The following PTPRE variants were observed in gnomAD, a reference collection of about 807,000 sequenced individuals.
PTPRE encodes protein tyrosine phosphatase receptor type E, also known as receptor-type tyrosine-protein phosphatase epsilon.
In PTPRE, 51 loss-of-function variants were observed where a neutral mutation model predicts 102.0. The ratio of observed to expected loss-of-function variants is 0.50; its 90% CI spans 0.40 to 0.63. The LOEUF is 0.63. PTPRE is among the 30% of genes least tolerant of loss of function. The pLI is 0.00. For synonymous variants in PTPRE, 345 were observed against 348.2 expected (o/e 0.99, Z 0.10); for missense variants, 752 against 915.1 (o/e 0.82, Z 2.30).
intron 2 of PTPRE, among the ~76,000 whole-genome samples, chr10:128,020,022 C>CTGTG (rs34036600): frequency 0.17 from 26,253 of 150,662 alleles, 2,408 homozygotes; most frequent in East Asian, 0.25. Flanking sequence ...AGGGTGGAGG[C>CTGTG]TGTGTGTGTG....
chr10:128,020,852 G>A (rs1385382767), intron 2 of PTPRE, among the ~76,000 whole-genome samples: 1 of 152,088 alleles, frequency 6.6e-6, no homozygotes, highest in Non-Finnish European at 1.5e-5. Context: ...ATTTGATAGG[G>A]GTGGTTCAGC....
chr10:128,073,087 C>T (rs777661530), intron 16 of PTPRE, among the ~76,000 whole-genome samples: 8 of 152,176 alleles, frequency 5.3e-5, no homozygotes, highest in Non-Finnish European at 7.3e-5. Context: ...AGGCAACTAC[C>T]AGTTCATAAT....
At position 128,003,579 on chromosome 10, in the gene PTPRE, G is replaced by A. The variant is rs116106819; in HGVS notation, c.-8+21283G>A. On this transcript the variant is annotated intron_variant, in intron 2 of 20. Coordinates refer to ENST00000254667, the MANE Select transcript of PTPRE (RefSeq NM_006504.6). ...TTTAAGTGTGAAATAATCCTGAATAGCTAGAAAATTCAGAGGACATTTTGC... is the reference window on the plus strand; with the variant it reads ...TTTAAGTGTGAAATAATCCTGAATAACTAGAAAATTCAGAGGACATTTTGC... Among the ~76,000 whole-genome samples the A allele has an allele frequency of 1.4e-3, 212 of 152,248 alleles. 1 individual carries two copies. The highest frequency in any genetic ancestry group is 5.1e-3 in the African/African-American group (210 of 41,542).
chr10:127,994,925 C>T (rs777119744), intron 2 of PTPRE, among the ~76,000 whole-genome samples: 3 of 152,196 alleles, frequency 2.0e-5, no homozygotes, highest in Non-Finnish European at 2.9e-5. Flanking sequence ...AAGGGATGTA[C>T]CCACCAATCC....
At chr10:128,079,141 G>C (rs1332480035) in intron 19 of PTPRE, among the ~76,000 whole-genome samples, 1 of 152,140 alleles carries the variant, frequency 6.6e-6, no homozygotes, top group Non-Finnish European at 1.5e-5. Context: ...GCACAGTAAG[G>C]AGAGGGTATG....
In PTPRE at chr10:128,020,045, T is replaced by TGTGC. The variant is rs1554923820; in HGVS notation, c.-7-20829_-7-20828insTGCG. ...GGCTGTGTGTGTGTGTGTGTGTGTG[T>TGTGC]GCACGCGCGCACGTGTGTGTGTGTG... On this transcript the variant is annotated intron_variant, in intron 2 of 20. Coordinates refer to ENST00000254667, the MANE Select transcript of PTPRE (RefSeq NM_006504.6). Among the ~76,000 whole-genome samples the TGTGC allele has an allele frequency of 4.7e-4, 55 of 116,322 alleles. 1 individual carries two copies. The Middle Eastern group carries it at 0.034, about 71-fold the overall frequency. The allele number at this position is 116,322 out of a possible 152,430, so 76.3% of individuals were successfully genotyped here.
At chr10:127,908,966 G>A (rs759322277) in intron 1 of PTPRE, among the ~76,000 whole-genome samples, 2 of 152,248 alleles carry the variant, frequency 1.3e-5, no homozygotes, top group Admixed American at 6.5e-5. Flanking sequence ...GAGGGAAGTC[G>A]ATGAGGGTGT....
chr10:127,919,194 C>T (rs1846420474), intron 1 of PTPRE, among the ~76,000 whole-genome samples: 1 of 152,136 alleles, frequency 6.6e-6, no homozygotes, highest in South Asian at 2.1e-4. Flanking sequence ...GCATTGTCTT[C>T]AAATAAAAAT....
chr10:128,019,633 C>CCATCCATCCATCCATCCATT (rs577601998), intron 2 of PTPRE, among the ~76,000 whole-genome samples: 8,819 of 147,236 alleles, frequency 0.06, 378 homozygotes, highest in Middle Eastern at 0.12. Flanking sequence ...CTATGTCAGC[C>CCATCCATCCATCCATCCATT]CATTCATTCA....
intron 2 of PTPRE, among the ~76,000 whole-genome samples, chr10:128,002,438 C>T (rs1447399184): frequency 6.6e-6 from 1 of 152,070 alleles, no homozygotes; most frequent in Non-Finnish European, 1.5e-5. Context: ...CACCCTCTAT[C>T]TAATTCCAGG....
At chr10:128,062,997 G>C (rs1379796496) in intron 9 of PTPRE, 86 bp from the exon 10 acceptor site, 1 of 1,578,186 alleles carries the variant, frequency 6.3e-7, no homozygotes, top group East Asian at 2.3e-5. Context: ...AGCTGTCCAG[G>C]GGCCAACGGC....
intron 1 of PTPRE, among the ~76,000 whole-genome samples, chr10:127,933,534 C>G (rs1001300305): frequency 2.0e-5 from 3 of 152,176 alleles, no homozygotes; most frequent in African/African-American, 7.2e-5. Flanking sequence ...CCCAATTAAA[C>G]TCTGCGAGAA....
At chr10:128,065,477 C>T (rs958200310) in intron 10 of PTPRE, among the ~76,000 whole-genome samples, 2 of 152,128 alleles carry the variant, frequency 1.3e-5, no homozygotes, top group African/African-American at 4.8e-5. Flanking sequence ...CTTCAGAGGT[C>T]GGGAAGGTAA....
chr10:127,988,304 C>CT (rs57166500), intron 2 of PTPRE, among the ~76,000 whole-genome samples: 41,647 of 123,624 alleles, frequency 0.34, 7,149 homozygotes, highest in Non-Finnish European at 0.38. Context: ...TTTTTCTTTT[C>CT]TTTTTTTTTT....
chr10:128,071,853 A>T, intron 15 of PTPRE: 1 of 270,732 alleles, frequency 3.7e-6, no homozygotes. Context: ...CATTCCATTT[A>T]CTCCTTCAGC....
intron 13 of PTPRE, 50 bp downstream of exon 13, chr10:128,069,877 G>A (rs368663307): frequency 5.6e-6 from 9 of 1,613,074 alleles, no homozygotes; most frequent in Non-Finnish European, 7.6e-6. Context: ...AAGCAAACCC[G>A]ATGCCTTCGC....
chr10:127,949,779 C>T (rs1385938337), intron 1 of PTPRE, among the ~76,000 whole-genome samples: 2 of 152,140 alleles, frequency 1.3e-5, no homozygotes, highest in South Asian at 2.1e-4. Context: ...CTTTGTCCCT[C>T]GATTGACTGA....
At chr10:128,015,107 C>T (rs992442581) in intron 2 of PTPRE, among the ~76,000 whole-genome samples, 2 of 152,306 alleles carry the variant, frequency 1.3e-5, no homozygotes, top group Non-Finnish European at 2.9e-5. Flanking sequence ...ATTCCACTTA[C>T]GGTTGTTGAC....
At chr10:128,026,207 G>T (rs1846279407) in intron 2 of PTPRE, among the ~76,000 whole-genome samples, 2 of 152,326 alleles carry the variant, frequency 1.3e-5, no homozygotes, top group South Asian at 4.1e-4. Context: ...TGGTTGGCCA[G>T]CCAGGTGCGG....
Sources: gnomAD v4.1 joint callset for allele counts (sites outside exome capture counted in the v4.1 genomes callset) on GRCh38, gnomAD v4.1.1 for gene constraint, MANE v1.5 for transcripts, NCBI Gene and HGNC (gene_info 2026-07-23, HGNC 2026-07-21) for gene names.